The following DGKI variants were observed in gnomAD, a reference collection of about 807,000 sequenced individuals.
The protein encoded by DGKI is DAG kinase iota.
Under a neutral mutation model 147.5 loss-of-function variants are expected in DGKI, and 55 were observed. The observed-to-expected ratio is 0.37, with a 90% CI of 0.30 to 0.47. The LOEUF is 0.47. Ranked by LOEUF, DGKI falls within the 20% of genes least tolerant of loss-of-function variation. DGKI has a pLI of 1.00. For missense variants in DGKI, 1,007 were observed against 1,323.8 expected (o/e 0.76, Z 3.71); for synonymous variants, 469 against 477.1 (o/e 0.98, Z 0.22).
intron 30 of DGKI, among the ~76,000 whole-genome samples, chr7:137,406,930 C>CAAAAAAAAAAAAAA (rs3046570): frequency 4.3e-5 from 4 of 92,534 alleles, no homozygotes; most frequent in Non-Finnish European, 7.9e-5. Flanking sequence ...TGCTGAATTG[C>CAAAAAAAAAAAAAA]AAAAAAAAAA....
intron 28 of DGKI, among the ~76,000 whole-genome samples, chr7:137,417,738 C>T (rs1812411989): frequency 1.3e-5 from 2 of 152,188 alleles, no homozygotes; most frequent in African/African-American, 4.8e-5. Context: ...GCTCCACCCT[C>T]ATGAAGGAAA....
chr7:137,524,274 TCA>T (rs1252931503), intron 20 of DGKI, among the ~76,000 whole-genome samples: 139 of 152,294 alleles, frequency 9.1e-4, no homozygotes, highest in East Asian at 7.3e-3. Context: ...ATTGTGGACT[TCA>T]GGAGTTTGCA....
chr7:137,538,611 T>A (rs535968133), intron 20 of DGKI, among the ~76,000 whole-genome samples: 9 of 152,318 alleles, frequency 5.9e-5, no homozygotes, highest in Non-Finnish European at 1.0e-4. Context: ...CAGAGTTGTT[T>A]TGCTGAATTT....
chr7:137,776,497 C>CGT (rs965511890), intron 1 of DGKI, among the ~76,000 whole-genome samples: 1 of 152,108 alleles, frequency 6.6e-6, no homozygotes, highest in Non-Finnish European at 1.5e-5. Context: ...TCTTACTTTA[C>CGT]GTGTGTGTGT....
At position 137,382,150 on chromosome 7, in the gene DGKI, A is replaced by G. The variant is rs1811075755; in HGVS notation, c.*9070T>C. The G allele has an allele frequency of 6.6e-6, 1 of 152,136 alleles. No individual in the cohort carries two copies. Among genetic ancestry groups the G allele is most frequent in the South Asian group, 2.1e-4 (1 of 4,834 alleles). 9.4% of individuals were successfully genotyped at this position (152,136 alleles called of 1,614,324 possible). On this transcript the variant is annotated 3_prime_UTR_variant, in exon 33 of 33. Coordinates refer to ENST00000614521, the MANE Select transcript of DGKI (RefSeq NM_001321708.2). Reference sequence around the variant, plus strand: ...ATTACCTATAAATTTGAAACAAAAAATAGGGTAAACTGACAGGACTATCCT... The same window carrying G: ...ATTACCTATAAATTTGAAACAAAAAGTAGGGTAAACTGACAGGACTATCCT...
chr7:137,581,034 A>C (rs192666002), intron 15 of DGKI, among the ~76,000 whole-genome samples: 27 of 152,150 alleles, frequency 1.8e-4, no homozygotes, highest in Non-Finnish European at 3.1e-4. Flanking sequence ...ATAAGAACAG[A>C]GTTTAAGAGA....
At chr7:137,618,157 T>A (rs1190241707) in intron 8 of DGKI, among the ~76,000 whole-genome samples, 30 of 16,038 alleles carry the variant, frequency 1.9e-3, no homozygotes, top group Non-Finnish European at 5.7e-3. Flanking sequence ...ATATATTTTT[T>A]TTTTTTTACT....
At chr7:137,844,869 C>A (rs188620534) in intron 1 of DGKI, among the ~76,000 whole-genome samples, 14 of 152,316 alleles carry the variant, frequency 9.2e-5, no homozygotes, top group Non-Finnish European at 1.6e-4. Flanking sequence ...CCAGGAGCAG[C>A]CTACACTGTG....
intron 23 of DGKI, among the ~76,000 whole-genome samples, chr7:137,472,968 A>G (rs986752010): frequency 1.3e-5 from 2 of 152,148 alleles, no homozygotes; most frequent in African/African-American, 4.8e-5. Context: ...TTAAAAACCT[A>G]AGGATCCATC....
intron 23 of DGKI, among the ~76,000 whole-genome samples, chr7:137,474,209 T>C (rs1815086627): frequency 1.3e-5 from 2 of 152,304 alleles, no homozygotes; most frequent in South Asian, 2.1e-4. Context: ...ATTCTACATA[T>C]ATAAAATGTA....
chr7:137,588,474 G>GTTTTTTTTTTT (rs1563099937), intron 12 of DGKI, among the ~76,000 whole-genome samples: 3 of 129,222 alleles, frequency 2.3e-5, no homozygotes, highest in African/African-American at 3.7e-5. Context: ...ACATACCGAT[G>GTTTTTTTTTTT]CTTTTTTTTT....
At chr7:137,736,779 A>C (rs768682601) in intron 1 of DGKI, among the ~76,000 whole-genome samples, 7 of 152,106 alleles carry the variant, frequency 4.6e-5, no homozygotes, top group Non-Finnish European at 1.0e-4. Context: ...ATGAAGAGAA[A>C]ATAGATTTTG....
intron 3 of DGKI, among the ~76,000 whole-genome samples, chr7:137,657,647 A>G (rs1822274853): frequency 1.3e-5 from 2 of 152,190 alleles, no homozygotes; most frequent in South Asian, 4.1e-4. Context: ...ATGGGCTATC[A>G]AAGCATCCAA....
chr7:137,661,347 T>C (rs1244226519), intron 3 of DGKI, among the ~76,000 whole-genome samples: 1 of 152,044 alleles, frequency 6.6e-6, no homozygotes, highest in Non-Finnish European at 1.5e-5. Flanking sequence ...CACTCCAGAA[T>C]TCCCAGACGT....
intron 19 of DGKI, among the ~76,000 whole-genome samples, chr7:137,569,503 T>G (rs1818710271): frequency 6.6e-6 from 1 of 151,488 alleles, no homozygotes; most frequent in Admixed American, 6.6e-5. Flanking sequence ...CTGAGGTGGG[T>G]GGACCACGAG....
At chr7:137,584,396 C>A (rs1055911109) in intron 14 of DGKI, among the ~76,000 whole-genome samples, 2 of 152,152 alleles carry the variant, frequency 1.3e-5, no homozygotes, top group Non-Finnish European at 2.9e-5. Context: ...TAATTTAGAA[C>A]CAAAGGACCA....
intron 5 of DGKI, among the ~76,000 whole-genome samples, chr7:137,653,985 C>A (rs1822128528): frequency 6.6e-6 from 1 of 152,150 alleles, no homozygotes; most frequent in East Asian, 1.9e-4. Flanking sequence ...CAGAATAACA[C>A]AGGAGGGTTC....
chr7:137,444,762 C>T (rs1338158013), intron 27 of DGKI, among the ~76,000 whole-genome samples: 2 of 152,164 alleles, frequency 1.3e-5, no homozygotes, highest in Non-Finnish European at 2.9e-5. Context: ...AATGAAAAAT[C>T]ATATCAACCC....
intron 28 of DGKI, among the ~76,000 whole-genome samples, chr7:137,423,016 T>C (rs921574859): frequency 2.0e-5 from 3 of 152,208 alleles, no homozygotes; most frequent in African/African-American, 4.8e-5. Flanking sequence ...GATGTAGCAA[T>C]GCAAGAGATT....
Sources: allele counts gnomAD v4.1 joint callset (sites outside exome capture counted in the v4.1 genomes callset), GRCh38; gene constraint gnomAD v4.1.1; transcripts MANE v1.5; gene names NCBI Gene and HGNC (gene_info 2026-07-23, HGNC 2026-07-21).